NT5E: variants seen among roughly 807,000 people sequenced by gnomAD.
The protein encoded by NT5E is 5'-nucleotidase ecto.
NT5E carries 53 observed loss-of-function variants against 55.1 expected under a neutral mutation model. That is an observed-to-expected ratio of 0.96 (90% CI 0.77 to 1.21). The LOEUF is 1.21. Among genes scored for constraint, NT5E ranks in the 50% most tolerant of loss-of-function variants. NT5E has a pLI of 0.00. For synonymous variants in NT5E, 270 were observed against 278.4 expected (o/e 0.97, Z 0.30); for missense variants, 683 against 724.3 (o/e 0.94, Z 0.65).
intron 3 of NT5E, among the ~76,000 whole-genome samples, chr6:85,473,660 A>G (rs2127721790): frequency 6.6e-6 from 1 of 152,316 alleles, no homozygotes; most frequent in African/African-American, 2.4e-5. Flanking sequence ...CATACAAGTG[A>G]AAGAAAACTT....
At chr6:85,456,510 A>C (rs1197563993) in intron 1 of NT5E, among the ~76,000 whole-genome samples, 1 of 152,146 alleles carries the variant, frequency 6.6e-6, no homozygotes, top group East Asian at 1.9e-4. Context: ...CCAGGTAGAG[A>C]ATGTCAGAAT....
intron 2 of NT5E, among the ~76,000 whole-genome samples, chr6:85,468,412 C>T (rs1364548799): frequency 6.6e-6 from 1 of 152,134 alleles, no homozygotes; most frequent in Non-Finnish European, 1.5e-5. Flanking sequence ...TCCTTGGTCC[C>T]CTTGAGAGCT....
Position 85,450,495 on chromosome 6 carries a change from C to A in NT5E, c.339+17C>A. On this transcript the variant is annotated intron_variant, in intron 1 of 8. Coordinates refer to ENST00000257770, the MANE Select transcript of NT5E (RefSeq NM_002526.4). The surrounding 1 kb of genome is among the most constrained non-coding windows in gnomAD (Gnocchi z 4.0). Reference sequence around the variant, plus strand: ...GATGCCATGGTAAGACCCGAGCCCGCGCCCGGGATAGTAGTCCCGGACTGA... The same window carrying A: ...GATGCCATGGTAAGACCCGAGCCCGAGCCCGGGATAGTAGTCCCGGACTGA... 1 of 1,568,990 alleles carries A rather than the reference C, an allele frequency of 6.4e-7. No individual in the cohort carries two copies. The highest frequency in any genetic ancestry group is 1.3e-5 in the African/African-American group (1 of 74,500).
At position 85,494,928 on chromosome 6, in the gene NT5E, G is replaced by A. The variant is rs771086750; in HGVS notation, c.*924G>A. The A allele has an allele frequency of 6.7e-6, 1 of 148,646 alleles. No homozygotes were observed. The highest frequency in any genetic ancestry group is 1.5e-5 in the Non-Finnish European group (1 of 67,772). 9.2% of individuals were successfully genotyped at this position (148,646 alleles called of 1,614,324 possible). ...TTGTTAAGCATAGTGCCTGACACACGGCATTAGCTGTTATTTTATGAGATT... is the reference window on the plus strand; with the variant it reads ...TTGTTAAGCATAGTGCCTGACACACAGCATTAGCTGTTATTTTATGAGATT... On this transcript the variant is annotated 3_prime_UTR_variant, in exon 9 of 9. Coordinates refer to ENST00000257770, the MANE Select transcript of NT5E (RefSeq NM_002526.4).
intron 1 of NT5E, among the ~76,000 whole-genome samples, chr6:85,454,822 A>G: frequency 6.6e-6 from 1 of 152,222 alleles, no homozygotes; most frequent in East Asian, 1.9e-4. Context: ...ATCTGTGGCT[A>G]TGCAATTCAC....
intron 3 of NT5E, among the ~76,000 whole-genome samples, chr6:85,475,364 G>A (rs995938913): frequency 4.6e-5 from 7 of 152,122 alleles, no homozygotes; most frequent in African/African-American, 1.7e-4. Flanking sequence ...CTAAAACAGT[G>A]CATGAATGGA....
chr6:85,492,107 C>G lies in NT5E; in HGVS notation c.1491C>G (p.Leu497=). ...LKMDEVYKVI[L]PNFLANGGDG... The stretch of plus-strand genomic sequence containing the variant: ...TGGACGAGGTATATAAGGTGATCCT[C>G]CCAAACTTCCTGGCCAATGGTGGAG... Residue 497 remains leucine, a synonymous_variant, in exon 8 of 9, where the codon CTC becomes CTG. Coordinates refer to ENST00000257770, the MANE Select transcript of NT5E (RefSeq NM_002526.4). 1 of 1,614,164 alleles carries G rather than the reference C, an allele frequency of 6.2e-7. No homozygotes were observed. Among genetic ancestry groups the G allele is most frequent in the Non-Finnish European group, 8.5e-7 (1 of 1,180,014 alleles).
At chr6:85,468,790 T>C (rs1407655387) in intron 2 of NT5E, among the ~76,000 whole-genome samples, 1 of 151,430 alleles carries the variant, frequency 6.6e-6, no homozygotes, top group Non-Finnish European at 1.5e-5. Flanking sequence ...GTGCAGGTCT[T>C]GGTGGAAAGG....
intron 1 of NT5E, among the ~76,000 whole-genome samples, chr6:85,463,750 G>C (rs1769137792): frequency 6.6e-6 from 1 of 152,164 alleles, no homozygotes; most frequent in Non-Finnish European, 1.5e-5. Context: ...GGTGTGGTGG[G>C]AACTTGGTGT....
chr6:85,467,850 A>C (rs1769226249), intron 2 of NT5E, among the ~76,000 whole-genome samples: 1 of 151,604 alleles, frequency 6.6e-6, no homozygotes. Flanking sequence ...ACATATATAC[A>C]CATATGTATA....
rs1282462517 is a variant in NT5E at position 85,495,252 on chromosome 6, C to T, written c.*1248C>T. ...AACTTCTGCTGGAAAGTGGGACCCT[C>T]TGAGTGGGTGGTCAGAAAATACCCA... On this transcript the variant is annotated 3_prime_UTR_variant, in exon 9 of 9. Transcript: ENST00000257770. 1 of 152,242 alleles carries T rather than the reference C, an allele frequency of 6.6e-6. No homozygotes were observed. Among genetic ancestry groups the T allele is most frequent in the African/African-American group, 2.4e-5 (1 of 41,464 alleles). The allele number at this position is 152,242 out of a possible 1,614,324, so 9.4% of individuals were successfully genotyped here. A position where few individuals can be genotyped will look rare whatever the true frequency, so the allele number is the denominator to read the frequency against.
chr6:85,493,739 CTGCTTATGAAAT>C, intron 8 of NT5E, 90 bp from the exon 9 acceptor site: 1 of 956,484 alleles, frequency 1.0e-6, no homozygotes, highest in Non-Finnish European at 1.6e-6. Context: ...CACTTTACCC[CTGCTTATGAAAT>C]TGCTTCCCTT....
At chr6:85,474,205 CT>C (rs775388585) in intron 3 of NT5E, among the ~76,000 whole-genome samples, 1 of 152,120 alleles carries the variant, frequency 6.6e-6, no homozygotes, top group East Asian at 1.9e-4. Flanking sequence ...CTCTAGATTA[CT>C]TATAATACTT....
chr6:85,471,358 C>A lies in NT5E; in HGVS notation c.684C>A (p.Leu228=). 2.5e-6 allele frequency: 4 copies of A among 1,613,128 alleles called. No homozygotes were observed. The highest frequency in any genetic ancestry group is 3.4e-6 in the Non-Finnish European group (4 of 1,179,348). The change falls in exon 3 of 9, where the codon CTC becomes CTA. Residue 228 remains leucine, a synonymous_variant. Coordinates refer to ENST00000257770, the MANE Select transcript of NT5E (RefSeq NM_002526.4). ...LGHSGFEMDK[L]IAQKVRGVDV... The stretch of plus-strand genomic sequence containing the variant: ...ATTCGGGTTTTGAAATGGATAAACT[C>A]ATCGCTCAGAAAGTGAGGGGTGTGG...
chr6:85,484,393 G>A (rs949074818), intron 3 of NT5E, among the ~76,000 whole-genome samples: 9 of 152,144 alleles, frequency 5.9e-5, no homozygotes, highest in Admixed American at 2.6e-4. Context: ...CCTGTATGGC[G>A]ACACTCTCCA....
At chr6:85,476,780 T>C (rs1004240786) in intron 3 of NT5E, among the ~76,000 whole-genome samples, 4 of 152,174 alleles carry the variant, frequency 2.6e-5, no homozygotes, top group Admixed American at 1.3e-4. Flanking sequence ...TCCGAGGTCC[T>C]ACCGTCAAGC....
intron 1 of NT5E, among the ~76,000 whole-genome samples, chr6:85,454,807 C>G (rs1420515749): frequency 6.6e-6 from 1 of 152,178 alleles, no homozygotes; most frequent in African/African-American, 2.4e-5. Flanking sequence ...AGAGATAAAT[C>G]TACAATCTGT....
At chr6:85,464,626 A>T (rs1769155171) in intron 1 of NT5E, among the ~76,000 whole-genome samples, 1 of 152,116 alleles carries the variant, frequency 6.6e-6, no homozygotes, top group South Asian at 2.1e-4. Flanking sequence ...TTCTGTAGAG[A>T]CCTAAGGCAG....
intron 6 of NT5E, 41 bp from the exon 7 acceptor site, chr6:85,490,467 C>T (rs757033685): frequency 8.7e-6 from 14 of 1,613,124 alleles, no homozygotes; most frequent in Non-Finnish European, 8.5e-6. Flanking sequence ...AGCATTTTCT[C>T]AAGCTATTTT....
Sources: gnomAD v4.1 joint callset for allele counts (sites outside exome capture counted in the v4.1 genomes callset) on GRCh38, gnomAD v4.1.1 for gene constraint, Gnocchi (gnomAD v3.1) non-coding constraint, MANE v1.5 for transcripts, NCBI Gene and HGNC (gene_info 2026-07-23, HGNC 2026-07-21) for gene names.